ARHGAP15: variants seen among roughly 807,000 people sequenced by gnomAD.
ARHGAP15 encodes the protein rho GTPase-activating protein 15.
In ARHGAP15, 51 loss-of-function variants were observed where a neutral mutation model predicts 63.7. The ratio of observed to expected loss-of-function variants is 0.80; its 90% CI spans 0.64 to 1.01. The LOEUF is 1.01. Ranked by LOEUF, ARHGAP15 falls within the 50% of genes least tolerant of loss-of-function variation. The pLI is 0.00. For synonymous variants in ARHGAP15, 191 were observed against 193.8 expected, an observed-to-expected ratio of 0.99 and a Z score of 0.12; for missense variants, 560 against 564.6, an observed-to-expected ratio of 0.99 and a Z score of 0.08.
chr2:143,757,197 C>G (rs1236693837), intron 13 of ARHGAP15, among the ~76,000 whole-genome samples: 1 of 151,918 alleles, frequency 6.6e-6, no homozygotes, highest in Admixed American at 6.6e-5. Context: ...GTGATTTAAA[C>G]AGCAGAGTAC....
intron 1 of ARHGAP15, among the ~76,000 whole-genome samples, chr2:143,137,598 A>G (rs1208481245): frequency 6.6e-6 from 1 of 152,126 alleles, no homozygotes; most frequent in Non-Finnish European, 1.5e-5. Flanking sequence ...AGCTGAAAAC[A>G]TATTGCCATA....
chr2:143,748,212 T>C (rs577898878), intron 13 of ARHGAP15, among the ~76,000 whole-genome samples: 5 of 152,350 alleles, frequency 3.3e-5, no homozygotes, highest in Middle Eastern at 6.8e-3. Context: ...AATTTGAAAT[T>C]ATGCCTTTTT....
intron 11 of ARHGAP15, among the ~76,000 whole-genome samples, chr2:143,582,679 G>A (rs982041581): frequency 6.6e-6 from 1 of 152,178 alleles, no homozygotes; most frequent in African/African-American, 2.4e-5. Context: ...AAAAGATGTG[G>A]AGACAAACTT....
chr2:143,507,934 CT>C (rs780235862), intron 9 of ARHGAP15, among the ~76,000 whole-genome samples: 5 of 151,906 alleles, frequency 3.3e-5, no homozygotes, highest in South Asian at 2.1e-4. Flanking sequence ...CACTACCCCC[CT>C]GATGAGCCTT....
At chr2:143,587,857 G>T (rs1697170030) in intron 11 of ARHGAP15, 1 of 409,290 alleles carries the variant, frequency 2.4e-6, no homozygotes, top group African/African-American at 2.1e-5. Context: ...ACAATCCCTA[G>T]TATTGAGTGA....
At chr2:143,204,823 A>G (rs1227929513) in intron 3 of ARHGAP15, among the ~76,000 whole-genome samples, 2 of 151,970 alleles carry the variant, frequency 1.3e-5, no homozygotes, top group African/African-American at 4.8e-5. Flanking sequence ...TTTTGCCTCT[A>G]TCTCTTACAA....
At chr2:143,617,970 G>A (rs1312925596) in intron 11 of ARHGAP15, among the ~76,000 whole-genome samples, 2 of 152,154 alleles carry the variant, frequency 1.3e-5, no homozygotes, top group East Asian at 3.9e-4. Flanking sequence ...AAATTAACTG[G>A]CCAACTGGTT....
In ARHGAP15 at chr2:143,343,066, C is replaced by A. The variant is rs190081665; in HGVS notation, c.474+92466C>A. On this transcript the variant is annotated intron_variant, in intron 6 of 13. Coordinates refer to ENST00000295095, the MANE Select transcript of ARHGAP15 (RefSeq NM_018460.4). ...ATATGTTCTCAGTTCCTACAACCTA[C>A]AACAAGCTTCATAAGTATTTAGAGA... Among the ~76,000 whole-genome samples the A allele has an allele frequency of 3.5e-3, 530 of 152,168 alleles. 1 individual carries two copies. The highest frequency in any genetic ancestry group is 7.0e-3 in the Admixed American group (106 of 15,250).
chr2:143,427,845 CA>C (rs1574434353), intron 6 of ARHGAP15, among the ~76,000 whole-genome samples: 1 of 152,078 alleles, frequency 6.6e-6, no homozygotes, highest in Non-Finnish European at 1.5e-5. Flanking sequence ...AATTGTATTG[CA>C]GCCTTCAAAA....
intron 6 of ARHGAP15, among the ~76,000 whole-genome samples, chr2:143,433,628 A>T (rs865838622): frequency 1.3e-5 from 2 of 152,120 alleles, no homozygotes; most frequent in South Asian, 4.1e-4. Context: ...TAAAGTACTT[A>T]TATTTTATCA....
At chr2:143,385,089 A>C (rs1021236585) in intron 6 of ARHGAP15, among the ~76,000 whole-genome samples, 2 of 152,158 alleles carry the variant, frequency 1.3e-5, no homozygotes, top group African/African-American at 4.8e-5. Flanking sequence ...CTGCTTCAGT[A>C]ATCTACCAAT....
intron 8 of ARHGAP15, among the ~76,000 whole-genome samples, chr2:143,437,749 G>A (rs1165173054): frequency 1.3e-5 from 2 of 152,118 alleles, no homozygotes; most frequent in Admixed American, 6.5e-5. Flanking sequence ...CATCTGGCTG[G>A]GCGAGGTAGC....
intron 6 of ARHGAP15, among the ~76,000 whole-genome samples, chr2:143,368,895 A>G (rs1686417009): frequency 6.6e-6 from 1 of 152,128 alleles, no homozygotes; most frequent in Non-Finnish European, 1.5e-5. Context: ...CTACTACCTT[A>G]TGACAGTGAT....
chr2:143,367,882 T>C (rs1363896221), intron 6 of ARHGAP15, among the ~76,000 whole-genome samples: 1 of 152,038 alleles, frequency 6.6e-6, no homozygotes, highest in Non-Finnish European at 1.5e-5. Flanking sequence ...CTTAACTAAA[T>C]AAATAATTAG....
At chr2:143,622,766 G>A (rs181414647) in intron 11 of ARHGAP15, among the ~76,000 whole-genome samples, 6 of 111,496 alleles carry the variant, frequency 5.4e-5, no homozygotes, top group Non-Finnish European at 1.0e-4. Context: ...CCTTAGAAAC[G>A]ATCGTTCATT....
chr2:143,628,882 C>A (rs557687620), intron 12 of ARHGAP15, among the ~76,000 whole-genome samples: 1 of 152,248 alleles, frequency 6.6e-6, no homozygotes, highest in African/African-American at 2.4e-5. Context: ...AACATTATTT[C>A]CCTTTTCTCT....
At chr2:143,499,946 C>A (rs1170338954) in intron 9 of ARHGAP15, among the ~76,000 whole-genome samples, 1 of 152,030 alleles carries the variant, frequency 6.6e-6, no homozygotes, top group Non-Finnish European at 1.5e-5. Flanking sequence ...TTTTCTCCCC[C>A]TCCTTAAATC....
chr2:143,339,064 TTGAA>T (rs1466015837), intron 6 of ARHGAP15, among the ~76,000 whole-genome samples: 1 of 152,064 alleles, frequency 6.6e-6, no homozygotes, highest in African/African-American at 2.4e-5. Context: ...TAAATATTGA[TTGAA>T]TGCCCATTAT....
At chr2:143,317,210 T>TGGGGG (rs777650228) in intron 6 of ARHGAP15, among the ~76,000 whole-genome samples, 6,841 of 152,236 alleles carry the variant, frequency 0.045, no homozygotes, top group Non-Finnish European at 0.066. Context: ...CCCCAGTGCC[T>TGGGGG]ATAAGAGTAC....
Sources: allele counts gnomAD v4.1 joint callset (sites outside exome capture counted in the v4.1 genomes callset), GRCh38; gene constraint gnomAD v4.1.1; transcripts MANE v1.5; gene names NCBI Gene and HGNC (gene_info 2026-07-23, HGNC 2026-07-21).